Variants in FARP2 observed in about 807,000 individuals in gnomAD.
FARP2 encodes the protein FERM, ARHGEF and pleckstrin domain-containing protein 2.
In FARP2, 111 loss-of-function variants were observed where a neutral mutation model predicts 130.5. The observed-to-expected ratio is 0.85, with a 90% CI of 0.73 to 1.00. The LOEUF is 1.00. Among genes scored for constraint, FARP2 ranks in the 50% least tolerant of loss-of-function variants. FARP2 has a pLI of 0.00. For missense variants in FARP2, 1,385 were observed against 1,346.3 expected, an observed-to-expected ratio of 1.03 and a Z score of -0.45; for synonymous variants, 504 against 516.9, an observed-to-expected ratio of 0.98 and a Z score of 0.34.
intron 2 of FARP2, among the ~76,000 whole-genome samples, chr2:241,385,549 GTC>G (rs907791586): frequency 6.6e-6 from 1 of 151,966 alleles, no homozygotes; most frequent in Non-Finnish European, 1.5e-5. Context: ...TAGCGAAACT[GTC>G]TCTACTAAAA....
rs372094050 is a variant in FARP2 at position 241,463,334 on chromosome 2, G to A, written c.1678-1G>A. 3 of 1,613,754 alleles carry A rather than the reference G, an allele frequency of 1.9e-6. No individual in the cohort carries two copies. In the African/African-American group the frequency reaches 4.0e-5, roughly 22 times the overall value. On this transcript the variant is annotated splice_acceptor_variant, in intron 15 of 26. Coordinates refer to ENST00000264042, the MANE Select transcript of FARP2 (RefSeq NM_014808.4). LOFTEE classifies it high-confidence loss of function. ...CCCATCACACCACACTCTTCCCACAGTGGTTCCGCAGCGCAGTGGTGAAGG... is the reference window on the plus strand; with the variant it reads ...CCCATCACACCACACTCTTCCCACAATGGTTCCGCAGCGCAGTGGTGAAGG...
At chr2:241,419,494 C>T (rs1258887017) in intron 8 of FARP2, among the ~76,000 whole-genome samples, 1 of 152,156 alleles carries the variant, frequency 6.6e-6, no homozygotes, top group African/African-American at 2.4e-5. Context: ...TTTTTATTCC[C>T]TCAAAACCCT....
intron 2 of FARP2, among the ~76,000 whole-genome samples, chr2:241,380,469 C>T (rs902591736): frequency 1.3e-5 from 2 of 152,120 alleles, no homozygotes; most frequent in Non-Finnish European, 2.9e-5. Context: ...TGAGCTTGTA[C>T]AGGTTGAGTA....
intron 17 of FARP2, among the ~76,000 whole-genome samples, chr2:241,464,316 TCAGAGCAGGGTCCCCC>T (rs1458662211): frequency 6.8e-6 from 1 of 147,270 alleles, no homozygotes; most frequent in African/African-American, 2.5e-5. Flanking sequence ...CAGGGTCCCC[TCAGAGCAGGGTCCCCC>T]CAGAGCAGGG....
chr2:241,471,271 G>A (rs1174647092), intron 18 of FARP2: 6 of 151,804 alleles, frequency 4.0e-5, no homozygotes, highest in African/African-American at 1.5e-4. Context: ...CCTGTTCTGC[G>A]GGGAATACTG....
Position 241,491,691 on chromosome 2 carries a change from T to G in FARP2, c.2787+12T>G. The G allele has an allele frequency of 1.3e-6, 2 of 1,582,800 alleles. No homozygotes were observed. The highest frequency in any genetic ancestry group is 1.7e-6 in the Non-Finnish European group (2 of 1,161,830). On this transcript the variant is annotated intron_variant, in intron 24 of 26. Transcript: ENST00000264042. ...GTGCAGCTGTCGAGGTACGACCGCA[T>G]GAGCACCACCTCAGTGCATCTGGAA...
At chr2:241,474,404 G>C (rs1446409967) in intron 18 of FARP2, among the ~76,000 whole-genome samples, 2 of 148,206 alleles carry the variant, frequency 1.3e-5, no homozygotes, top group African/African-American at 4.9e-5. Flanking sequence ...CCCAGGGCTA[G>C]AGCTGAGCAC....
intron 17 of FARP2, chr2:241,466,794 T>C (rs1642225016): frequency 1.2e-5 from 2 of 166,186 alleles, no homozygotes; most frequent in African/African-American, 4.8e-5. Flanking sequence ...TACCCTGAAC[T>C]GTGAATATTT....
chr2:241,463,574 C>T (rs2064085125), intron 16 of FARP2, 106 bp downstream of exon 16: 5 of 1,319,648 alleles, frequency 3.8e-6, no homozygotes, highest in Non-Finnish European at 5.2e-6. Context: ...GCCATTTTTT[C>T]ACTGGAGCAT....
At chr2:241,481,961 A>G (rs2064626666) in intron 19 of FARP2, among the ~76,000 whole-genome samples, 1 of 152,224 alleles carries the variant, frequency 6.6e-6, no homozygotes, top group African/African-American at 2.4e-5. Flanking sequence ...GCAAATTCAA[A>G]TAATAATTTG....
intron 12 of FARP2, among the ~76,000 whole-genome samples, chr2:241,437,662 A>ATTTTTTTTTTTTTTTTTTTTT (rs1254102658): frequency 7.4e-6 from 1 of 135,440 alleles, no homozygotes; most frequent in Admixed American, 8.8e-5. Flanking sequence ...TTATTTATTT[A>ATTTTTTTTTTTTTTTTTTTTT]TTTATTTATT....
Position 241,441,431 on chromosome 2 carries a change from T to C in FARP2, c.1286T>C (p.Leu429Pro), listed in dbSNP as rs1050589664. The change falls in exon 13 of 27, where the codon CTC becomes CCC. Residue 429 changes from leucine (L) to proline (P), a missense_variant. By Grantham distance (98) the Leu-to-Pro change is moderately conservative. Transcript: ENST00000264042. Reference sequence around the variant, plus strand: ...GAGTTTAAGGACAGCAGCAGCTCCCTCACAGATCCCCAGGTTTCCTACGTC... The same window carrying C: ...GAGTTTAAGGACAGCAGCAGCTCCCCCACAGATCCCCAGGTTTCCTACGTC... ...LPEFKDSSSS[L>P]TDPQVSYVKS... 1 of 1,614,086 alleles carries C rather than the reference T, an allele frequency of 6.2e-7. No homozygotes were observed. The highest frequency in any genetic ancestry group is 1.3e-5 in the African/African-American group (1 of 74,934).
At chr2:241,433,861 A>G (rs1200852374) in intron 9 of FARP2, among the ~76,000 whole-genome samples, 2 of 152,112 alleles carry the variant, frequency 1.3e-5, no homozygotes, top group Non-Finnish European at 2.9e-5. Context: ...CCCTTTTTCT[A>G]CAAAAAATAC....
intron 13 of FARP2, among the ~76,000 whole-genome samples, chr2:241,447,601 A>G (rs1662090472): frequency 6.6e-6 from 1 of 152,164 alleles, no homozygotes; most frequent in Admixed American, 6.5e-5. Context: ...CAGTCAGCCA[A>G]AACCACCCTG....
chr2:241,356,920 G>C (rs766927956), intron 1 of FARP2, among the ~76,000 whole-genome samples: 5 of 152,252 alleles, frequency 3.3e-5, no homozygotes, highest in Non-Finnish European at 7.3e-5. Flanking sequence ...CAAGTGTTAG[G>C]TGTTAATATT....
At chr2:241,479,424 G>A (rs906148089) in intron 19 of FARP2, among the ~76,000 whole-genome samples, 6 of 152,232 alleles carry the variant, frequency 3.9e-5, no homozygotes, top group Admixed American at 3.9e-4. Flanking sequence ...GGCTCAGTCA[G>A]GAGTCTGCTC....
At chr2:241,467,696 C>T (rs1024978164) in intron 17 of FARP2, among the ~76,000 whole-genome samples, 2 of 151,854 alleles carry the variant, frequency 1.3e-5, no homozygotes, top group Non-Finnish European at 2.9e-5. Context: ...GTAACTGTGC[C>T]AGCACAACCG....
At chr2:241,384,024 G>T (rs2061726147) in intron 2 of FARP2, among the ~76,000 whole-genome samples, 1 of 151,226 alleles carries the variant, frequency 6.6e-6, no homozygotes, top group African/African-American at 2.4e-5. Context: ...CTTCTGTGAA[G>T]CCACCACTGT....
intron 2 of FARP2, among the ~76,000 whole-genome samples, chr2:241,393,261 C>A (rs2061952817): frequency 6.6e-6 from 1 of 152,052 alleles, no homozygotes; most frequent in Admixed American, 6.5e-5. Flanking sequence ...CTCAGGTGAT[C>A]CACCCGCCTC....
Sources: allele counts gnomAD v4.1 joint callset (sites outside exome capture counted in the v4.1 genomes callset), GRCh38; gene constraint gnomAD v4.1.1; transcripts MANE v1.5; gene names NCBI Gene and HGNC (gene_info 2026-07-23, HGNC 2026-07-21).